MAST2: variants seen among roughly 807,000 people sequenced by gnomAD.
The protein encoded by MAST2 is microtubule-associated serine/threonine-protein kinase 2.
Under a neutral mutation model 147.4 loss-of-function variants are expected in MAST2, and 70 were observed. The ratio of observed to expected loss-of-function variants is 0.47; its 90% CI spans 0.39 to 0.58. The LOEUF (loss-of-function observed/expected upper bound fraction) is 0.58, where lower values mean the gene tolerates loss of function less well. Among genes scored for constraint, MAST2 ranks in the 20% least tolerant of loss-of-function variants. The pLI is 0.00. For missense variants in MAST2, 2,080 were observed against 2,302.3 expected (o/e 0.90, Z 1.98); for synonymous variants, 869 against 896.8 (o/e 0.97, Z 0.55).
chr1:46,025,008 G>A (rs1407719568), intron 15 of MAST2, among the ~76,000 whole-genome samples: 1 of 152,172 alleles, frequency 6.6e-6, no homozygotes, highest in African/African-American at 2.4e-5. Context: ...CTTGTGCAGG[G>A]AAGCTCCCCT....
At chr1:45,863,394 G>C (rs1646042889) in intron 3 of MAST2, among the ~76,000 whole-genome samples, 1 of 152,138 alleles carries the variant, frequency 6.6e-6, no homozygotes, top group Admixed American at 6.5e-5. Context: ...ACATAATCCA[G>C]CCGTTAGTTA....
At chr1:45,932,696 A>G (rs1269885311) in intron 4 of MAST2, among the ~76,000 whole-genome samples, 4 of 152,034 alleles carry the variant, frequency 2.6e-5, no homozygotes, top group East Asian at 3.9e-4. Flanking sequence ...CCCCACTCCA[A>G]AAAAAATTTA....
chr1:45,929,965 A>G (rs759859349), intron 4 of MAST2, among the ~76,000 whole-genome samples: 1 of 152,170 alleles, frequency 6.6e-6, no homozygotes, highest in Non-Finnish European at 1.5e-5. Flanking sequence ...GATAATGTCT[A>G]TTTGCACACA....
chr1:46,034,820 T>G lies in MAST2; in HGVS notation c.4151T>G (p.Leu1384Arg), dbSNP rs1458699173. The G allele has an allele frequency of 6.2e-7, 1 of 1,613,874 alleles. No homozygotes were observed. The highest frequency in any genetic ancestry group is 8.5e-7 in the Non-Finnish European group (1 of 1,180,002). The stretch of plus-strand genomic sequence containing the variant: ...ACAAAGCTTCACTTGTCACCTCCCC[T>G]GGGCAGGCAACTCTCACGGCCCAAG... ...FPTKLHLSPP[L>R]GRQLSRPKSA... The change falls in exon 29 of 29, where the codon CTG (leucine) becomes CGG (arginine). Residue 1384 changes from leucine to arginine, a missense_variant. By Grantham distance (102) the Leu-to-Arg change is moderately radical. Around this residue, in one of 4 missense-constraint regions of MAST2, gnomAD observed 1,278 missense variants for 1,304.2 expected, o/e 0.98. Transcript: ENST00000361297.
Position 46,010,750 on chromosome 1 carries a change from G to C in MAST2, c.999G>C (p.Glu333Asp). The change falls in exon 10 of 29, where the codon GAG becomes GAC. Residue 333 changes from glutamate to aspartate, a missense_variant. Coordinates refer to ENST00000361297, the MANE Select transcript of MAST2 (RefSeq NM_015112.3). ...RFPKATAQME[E>D]RLAEFISSNT... is the part of the protein sequence containing the mutation. The stretch of plus-strand genomic sequence containing the variant: ...CCCAGGCCACCGCACAAATGGAAGA[G>C]CGACTAGCAGAGTTTATTTCCTCCA... 6.2e-7 allele frequency: 1 copy of C among 1,613,602 alleles called. No individual in the cohort carries two copies. The highest frequency in any genetic ancestry group is 8.5e-7 in the Non-Finnish European group (1 of 1,179,908).
chr1:45,914,205 C>T (rs1262816537), intron 4 of MAST2, among the ~76,000 whole-genome samples: 3 of 152,104 alleles, frequency 2.0e-5, no homozygotes, highest in South Asian at 2.1e-4. Flanking sequence ...ATACAAACCC[C>T]GTGAATGTGA....
intron 5 of MAST2, among the ~76,000 whole-genome samples, chr1:45,986,716 CAAAAAAAAAAAA>C (rs201589013): frequency 8.3e-6 from 1 of 120,236 alleles, no homozygotes; most frequent in Non-Finnish European, 1.7e-5. Context: ...GACTCCGTCT[CAAAAAAAAAAAA>C]AAAAAAAAAG....
chr1:45,982,041 G>A (rs1384486615), intron 5 of MAST2, among the ~76,000 whole-genome samples: 1 of 151,960 alleles, frequency 6.6e-6, no homozygotes. Flanking sequence ...TAGAGACGGA[G>A]TTTCACCATG....
intron 4 of MAST2, among the ~76,000 whole-genome samples, chr1:45,899,127 T>C (rs1358642894): frequency 6.6e-6 from 1 of 152,166 alleles, no homozygotes; most frequent in Non-Finnish European, 1.5e-5. Flanking sequence ...GTTTTTACCT[T>C]CTTTGATCAG....
intron 4 of MAST2, among the ~76,000 whole-genome samples, chr1:45,957,912 G>T (rs1284970705): frequency 6.6e-6 from 1 of 152,172 alleles, no homozygotes; most frequent in Non-Finnish European, 1.5e-5. Context: ...TTGGGATTTC[G>T]CCAGGACTTT....
chr1:45,860,207 CA>C (rs1645930308), intron 3 of MAST2, among the ~76,000 whole-genome samples: 1 of 149,774 alleles, frequency 6.7e-6, no homozygotes, highest in Non-Finnish European at 1.5e-5. Context: ...AAAATACACA[CA>C]CACACACACA....
In MAST2 at chr1:45,831,989, A is replaced by C. The variant is rs541425781; in HGVS notation, c.468+2408A>C. Among the ~76,000 whole-genome samples the C allele has an allele frequency of 3.3e-5, 5 of 152,214 alleles. No individual in the cohort carries two copies. In the East Asian group the frequency reaches 9.7e-4, roughly 29 times the overall value. ...GAGATGGGGTTTCACCATGTTGGCC[A>C]GGCTGATCTCGAACTCCTGACCTCA... On this transcript the variant is annotated intron_variant, in intron 3 of 28. Coordinates refer to ENST00000361297, the MANE Select transcript of MAST2 (RefSeq NM_015112.3).
intron 4 of MAST2, among the ~76,000 whole-genome samples, chr1:45,897,112 C>T (rs953474419): frequency 8.5e-5 from 13 of 152,210 alleles, no homozygotes; most frequent in African/African-American, 3.1e-4. Context: ...CTCCTTCTTT[C>T]CGTTTATACC....
chr1:45,877,401 A>T (rs1466587772), intron 3 of MAST2, among the ~76,000 whole-genome samples: 1 of 152,156 alleles, frequency 6.6e-6, no homozygotes, highest in African/African-American at 2.4e-5. Flanking sequence ...TTAAAGCCTT[A>T]TGAAGGCCTT....
chr1:45,838,237 T>G (rs1295393556), intron 3 of MAST2, among the ~76,000 whole-genome samples: 2 of 95,268 alleles, frequency 2.1e-5, no homozygotes, highest in Non-Finnish European at 4.2e-5. Context: ...TTTTTTTTTT[T>G]GAGATGGAGT....
intron 4 of MAST2, among the ~76,000 whole-genome samples, chr1:45,937,488 G>T (rs1215490687): frequency 6.6e-6 from 1 of 151,864 alleles, no homozygotes; most frequent in African/African-American, 2.4e-5. Flanking sequence ...GGTGGCTTAC[G>T]CCTGTAATCC....
rs1206760565 is a variant in MAST2, at chr1:46,031,210, G to T, written c.2912G>T (p.Gly971Val). 1 of 1,558,246 alleles carries T rather than the reference G, an allele frequency of 6.4e-7. No individual in the cohort carries two copies. The highest frequency in any genetic ancestry group is 8.7e-7 in the Non-Finnish European group (1 of 1,149,514). The change falls in exon 23 of 29, where the codon GGG becomes GTG. Residue 971 changes from glycine (G) to valine (V), a missense_variant. Transcript: ENST00000361297. The surrounding 1 kb of genome is among the most constrained non-coding windows in gnomAD (Gnocchi z 4.1). ...CCCCCATCTGGAGAGGGGGTATCTG[G>T]GCCTGTCACTGAACACTCAGGGGAG... ...LTPPSGEGVS[G>V]PVTEHSGEQR...
intron 4 of MAST2, among the ~76,000 whole-genome samples, chr1:45,946,335 CTG>C (rs1209466379): frequency 4.6e-5 from 7 of 152,072 alleles, no homozygotes; most frequent in African/African-American, 9.7e-5. Flanking sequence ...CATCTTGAGA[CTG>C]GGGATGGAGA....
At chr1:45,997,829 C>T in intron 6 of MAST2, 30 bp downstream of exon 6, 1 of 1,578,062 alleles carries the variant, frequency 6.3e-7, no homozygotes, top group African/African-American at 1.3e-5. Flanking sequence ...CCTCTGGGAC[C>T]AGCACATGTG....
Sources: gnomAD v4.1 joint callset for allele counts (sites outside exome capture counted in the v4.1 genomes callset) on GRCh38, gnomAD v4.1.1 for gene constraint, gnomAD v4.1.1 regional missense constraint, Gnocchi (gnomAD v3.1) non-coding constraint, MANE v1.5 for transcripts, NCBI Gene and HGNC (gene_info 2026-07-23, HGNC 2026-07-21) for gene names.